The following ROBO1 variants were observed in gnomAD, a reference collection of about 807,000 sequenced individuals.
ROBO1 encodes the protein roundabout guidance receptor 1, also known as roundabout homolog 1.
Under a neutral mutation model 195.9 loss-of-function variants are expected in ROBO1, and 149 were observed. The observed-to-expected ratio is 0.76, with a 90% CI of 0.67 to 0.87. The LOEUF is 0.87. Ranked by LOEUF, ROBO1 falls within the 40% of genes least tolerant of loss-of-function variation. The probability of loss-of-function intolerance (pLI) is 0.00; values close to 1 mark genes in which losing one functional copy is unlikely to be tolerated. For missense variants in ROBO1, 1,933 were observed against 2,068.3 expected (o/e 0.93, Z 1.27); for synonymous variants, 816 against 733.2 (o/e 1.11, Z -1.82).
At chr3:79,622,525 C>A (rs1945039948) in intron 1 of ROBO1, among the ~76,000 whole-genome samples, 1 of 152,196 alleles carries the variant, frequency 6.6e-6, no homozygotes, top group Non-Finnish European at 1.5e-5. Context: ...GGCTTTTTCC[C>A]AAGACTTGTC....
intron 3 of ROBO1, among the ~76,000 whole-genome samples, chr3:79,026,877 A>G (rs768317793): frequency 3.9e-4 from 59 of 152,142 alleles, no homozygotes; most frequent in Non-Finnish European, 7.4e-4. Context: ...GTTTTACAAA[A>G]CTGTTTAATG....
intron 2 of ROBO1, among the ~76,000 whole-genome samples, chr3:79,193,581 C>CTTTTT (rs869203963): frequency 2.2e-3 from 186 of 85,586 alleles, no homozygotes; most frequent in East Asian, 3.4e-3. Flanking sequence ...TGTGGTTTTG[C>CTTTTT]TTTTTTTTTT....
intron 2 of ROBO1, among the ~76,000 whole-genome samples, chr3:79,279,122 C>A (rs1158232034): frequency 1.3e-5 from 2 of 151,818 alleles, no homozygotes; most frequent in Non-Finnish European, 2.9e-5. Flanking sequence ...AAAAATTAGC[C>A]AGGCATAGTG....
intron 3 of ROBO1, among the ~76,000 whole-genome samples, chr3:79,054,486 G>T (rs1439161014): frequency 6.6e-6 from 1 of 152,046 alleles, no homozygotes; most frequent in African/African-American, 2.4e-5. Context: ...TGATCACGAG[G>T]TGTTACCTGC....
chr3:79,584,930 ATTG>A (rs889099894), intron 2 of ROBO1, among the ~76,000 whole-genome samples: 4 of 151,770 alleles, frequency 2.6e-5, no homozygotes, highest in Non-Finnish European at 5.9e-5. Flanking sequence ...GTCCATTATT[ATTG>A]TTGCTAAAAT....
chr3:78,884,437 A>G (rs79404751), intron 4 of ROBO1, among the ~76,000 whole-genome samples: 315 of 151,962 alleles, frequency 2.1e-3, no homozygotes, highest in African/African-American at 7.1e-3. Flanking sequence ...CATAGTGAGA[A>G]CTTGTCCTCT....
At chr3:79,084,818 A>G (rs1256606558) in intron 3 of ROBO1, among the ~76,000 whole-genome samples, 1 of 152,182 alleles carries the variant, frequency 6.6e-6, no homozygotes, top group East Asian at 1.9e-4. Flanking sequence ...AAGAGGATTC[A>G]GTAAAATTTA....
chr3:79,093,554 T>A (rs965598732), intron 3 of ROBO1, among the ~76,000 whole-genome samples: 3 of 152,026 alleles, frequency 2.0e-5, no homozygotes, highest in Non-Finnish European at 4.4e-5. Context: ...TTTAAAAAAA[T>A]TAAAGATGCT....
At chr3:79,723,305 ACT>A (rs1702779868) in intron 1 of ROBO1, among the ~76,000 whole-genome samples, 1 of 152,006 alleles carries the variant, frequency 6.6e-6, no homozygotes, top group Admixed American at 6.6e-5. Context: ...GAGTCTATCA[ACT>A]CTCTGACATT....
At chr3:79,090,973 A>G (rs1242762487) in intron 3 of ROBO1, among the ~76,000 whole-genome samples, 1 of 152,136 alleles carries the variant, frequency 6.6e-6, no homozygotes, top group Non-Finnish European at 1.5e-5. Flanking sequence ...TTTAATAGAT[A>G]GTTTTATGCT....
At chr3:79,172,343 C>T (rs1270929063) in intron 2 of ROBO1, among the ~76,000 whole-genome samples, 1 of 151,844 alleles carries the variant, frequency 6.6e-6, no homozygotes, top group African/African-American at 2.4e-5. Context: ...AAAATATTTC[C>T]TTCTATCTCT....
intron 4 of ROBO1, among the ~76,000 whole-genome samples, chr3:78,783,152 G>A (rs992693858): frequency 1.6e-4 from 24 of 152,098 alleles, no homozygotes; most frequent in African/African-American, 5.6e-4. Flanking sequence ...TATATTGCAA[G>A]TGGTGAAGTC....
At chr3:78,846,020 A>G (rs1304742203) in intron 4 of ROBO1, among the ~76,000 whole-genome samples, 2 of 152,156 alleles carry the variant, frequency 1.3e-5, no homozygotes, top group Non-Finnish European at 1.5e-5. Flanking sequence ...CATTTCAAGT[A>G]CACATAGAAA....
intron 2 of ROBO1, among the ~76,000 whole-genome samples, chr3:79,151,289 A>G (rs541625054): frequency 1.8e-4 from 28 of 151,718 alleles, no homozygotes; most frequent in Non-Finnish European, 3.4e-4. Flanking sequence ...GCCAAATCTC[A>G]CCAAAGAATG....
chr3:79,447,705 C>T (rs2039309490), intron 2 of ROBO1, among the ~76,000 whole-genome samples: 1 of 150,982 alleles, frequency 6.6e-6, no homozygotes, highest in African/African-American at 2.5e-5. Context: ...TAAACAAAAA[C>T]CAGTCCATAA....
Position 79,018,827 on chromosome 3 carries a change from G to A in ROBO1, c.173-79900C>T, listed in dbSNP as rs2078026197. On this transcript the variant is annotated intron_variant, in intron 3 of 30. Transcript: ENST00000464233. The stretch of plus-strand genomic sequence containing the variant: ...CCGGCGTGCGCCCCCACAATGTGCG[G>A]CCGAGCGCCGCTGCGAGGGCAGGCG... The A allele has an allele frequency of 3.9e-6, 4 of 1,014,672 alleles. No individual in the cohort carries two copies. The South Asian group carries it at 1.3e-4, about 32-fold the overall frequency. The allele number at this position is 1,014,672 out of a possible 1,614,324, so 62.9% of individuals were successfully genotyped here.
chr3:79,087,044 A>C (rs1270074833), intron 3 of ROBO1, among the ~76,000 whole-genome samples: 1 of 152,038 alleles, frequency 6.6e-6, no homozygotes, highest in Non-Finnish European at 1.5e-5. Context: ...GATGTTATTA[A>C]AAATTATAAA....
intron 1 of ROBO1, among the ~76,000 whole-genome samples, chr3:79,605,586 T>C (rs1011710501): frequency 9.9e-5 from 15 of 151,982 alleles, no homozygotes; most frequent in Non-Finnish European, 1.5e-5. Flanking sequence ...GCTAGATTCC[T>C]GAGAACCAGC....
chr3:79,531,515 C>T (rs1476610457), intron 2 of ROBO1, among the ~76,000 whole-genome samples: 4 of 151,878 alleles, frequency 2.6e-5, no homozygotes, highest in South Asian at 2.1e-4. Flanking sequence ...CCCAGCTACT[C>T]GGTATGCTGA....
Sources: allele counts gnomAD v4.1 joint callset (sites outside exome capture counted in the v4.1 genomes callset), GRCh38; gene constraint gnomAD v4.1.1; transcripts MANE v1.5; gene names NCBI Gene and HGNC (gene_info 2026-07-23, HGNC 2026-07-21).